Variants in HIPK2 observed in about 807,000 individuals in gnomAD.
HIPK2 encodes the protein homeodomain-interacting protein kinase 2.
In HIPK2, 27 loss-of-function variants were observed where a neutral mutation model predicts 113.7. The observed-to-expected ratio is 0.24, with a 90% confidence interval of 0.17 to 0.33. HIPK2 has a LOEUF of 0.33. Among genes scored for constraint, HIPK2 ranks in the 10% least tolerant of loss-of-function variants. The probability of loss-of-function intolerance (pLI) is 1.00; values close to 1 mark genes in which losing one functional copy is unlikely to be tolerated. For missense variants in HIPK2, 1,257 were observed against 1,588.0 expected, an observed-to-expected ratio of 0.79 and a Z score of 3.54; for synonymous variants, 631 against 642.2, an observed-to-expected ratio of 0.98 and a Z score of 0.26.
rs1310923864 is a variant in HIPK2, at chr7:139,583,978, G to C, written c.2804C>G (p.Pro935Arg). 1 of 1,614,030 alleles carries C rather than the reference G, an allele frequency of 6.2e-7. No individual in the cohort carries two copies. Among genetic ancestry groups the C allele is most frequent in the Non-Finnish European group, 8.5e-7 (1 of 1,179,880 alleles). The change falls in exon 13 of 15, where the codon CCC becomes CGC. Residue 935 changes from proline to arginine, a missense_variant. Transcript: ENST00000406875. ...CCCAGCACGCTGCTGCACGGAGTAG[G>C]GGCTGGTGTTGCTGGAGGAGTCGGA... The part of the protein sequence containing the change: ...PYSDSSSNTS[P>R]YSVQQRAGHN...
rs1800565262 is a variant in HIPK2 at position 139,630,342 on chromosome 7, A to AC, written c.1347+822dup. On this transcript the variant is annotated intron_variant, in intron 4 of 14. Transcript: ENST00000406875. This position sits in a 1 kb window ranked among gnomAD's most constrained non-coding sequence, Gnocchi z 4.0. The stretch of plus-strand genomic sequence containing the variant: ...CCTTTGCCTGGAACCCCTCTCCCTA[A>AC]CCCCCATCACCCCAGCCGCCACCCC... Among the ~76,000 whole-genome samples the AC allele has an allele frequency of 6.6e-6, 1 of 150,518 alleles. No homozygotes were observed. The highest frequency in any genetic ancestry group is 1.5e-5 in the Non-Finnish European group (1 of 67,620).
intron 2 of HIPK2, among the ~76,000 whole-genome samples, chr7:139,681,555 A>G (rs1349748154): frequency 6.6e-6 from 1 of 152,132 alleles, no homozygotes; most frequent in Non-Finnish European, 1.5e-5. Flanking sequence ...TGTGGGTGTC[A>G]AGAGGTGACC....
At chr7:139,628,382 T>C (rs1400655556) in intron 5 of HIPK2, among the ~76,000 whole-genome samples, 2 of 152,204 alleles carry the variant, frequency 1.3e-5, no homozygotes. Context: ...CTTCTCATGA[T>C]AACATCAGGC....
intron 13 of HIPK2, among the ~76,000 whole-genome samples, chr7:139,577,650 T>C (rs1798536464): frequency 6.6e-6 from 1 of 152,162 alleles, no homozygotes; most frequent in Non-Finnish European, 1.5e-5. Context: ...ACAACAAGCA[T>C]TGCTTCTGTT....
intron 1 of HIPK2, among the ~76,000 whole-genome samples, chr7:139,730,597 G>A (rs1390279665): frequency 6.6e-6 from 1 of 152,164 alleles, no homozygotes; most frequent in Non-Finnish European, 1.5e-5. Context: ...CTGACCTCTG[G>A]TGATCCACCT....
intron 1 of HIPK2, among the ~76,000 whole-genome samples, chr7:139,739,419 T>G (rs1363675693): frequency 6.6e-6 from 1 of 151,988 alleles, no homozygotes; most frequent in African/African-American, 2.4e-5. Flanking sequence ...AAACCTCATC[T>G]CTACTAAAAA....
rs902664408 is a variant in HIPK2, at chr7:139,714,093, G to A, written c.1103+1839C>T. On this transcript the variant is annotated intron_variant, in intron 2 of 14. Coordinates refer to ENST00000406875, the MANE Select transcript of HIPK2 (RefSeq NM_022740.5). This position sits in a 1 kb window ranked among gnomAD's most constrained non-coding sequence, Gnocchi z 4.2. ...GTCAGGACGAGGGAGTGGAGAGCAA[G>A]TGGAGGGGCAGCAGTAGACCCGTCT... 1.3e-5 allele frequency among the ~76,000 whole-genome samples: 2 copies of A among 152,228 alleles called. No individual in the cohort carries two copies. Among genetic ancestry groups the A allele is most frequent in the African/African-American group, 4.8e-5 (2 of 41,452 alleles).
chr7:139,723,698 T>C (rs1456241990), intron 1 of HIPK2, among the ~76,000 whole-genome samples: 1 of 152,194 alleles, frequency 6.6e-6, no homozygotes, highest in African/African-American at 2.4e-5. Context: ...ACTACAAGGA[T>C]GAGTGAGGGT....
intron 2 of HIPK2, among the ~76,000 whole-genome samples, chr7:139,708,644 T>G (rs1794978011): frequency 6.6e-6 from 1 of 152,250 alleles, no homozygotes; most frequent in African/African-American, 2.4e-5. Flanking sequence ...GCGTGAACAC[T>G]GCGTCTGCAC....
intron 1 of HIPK2, among the ~76,000 whole-genome samples, chr7:139,773,318 T>C (rs1436517657): frequency 1.3e-5 from 2 of 152,228 alleles, no homozygotes; most frequent in African/African-American, 4.8e-5. Context: ...GGTTTTTCTT[T>C]TCTTTTTTCC....
At chr7:139,776,056 T>G (rs906801913) in intron 1 of HIPK2, among the ~76,000 whole-genome samples, 8 of 152,302 alleles carry the variant, frequency 5.3e-5, no homozygotes, top group African/African-American at 1.9e-4. Context: ...GAGCATTGAC[T>G]GTAGCCCCCT....
intron 2 of HIPK2, among the ~76,000 whole-genome samples, chr7:139,635,524 G>T (rs1204943669): frequency 6.6e-6 from 1 of 152,172 alleles, no homozygotes; most frequent in Non-Finnish European, 1.5e-5. Context: ...CATAGATTTT[G>T]ACGACTGACG....
chr7:139,618,950 T>C (rs1800147953), intron 7 of HIPK2, among the ~76,000 whole-genome samples: 1 of 152,196 alleles, frequency 6.6e-6, no homozygotes. Flanking sequence ...GTCAAGAAGC[T>C]CACAGGTCTG....
At chr7:139,606,930 A>C (rs1380882437) in intron 9 of HIPK2, among the ~76,000 whole-genome samples, 1 of 152,254 alleles carries the variant, frequency 6.6e-6, no homozygotes, top group East Asian at 1.9e-4. Flanking sequence ...AACAAAAGAA[A>C]GAGGAAACAA....
intron 1 of HIPK2, among the ~76,000 whole-genome samples, chr7:139,723,156 A>T (rs2116986807): frequency 6.6e-6 from 1 of 151,662 alleles, no homozygotes; most frequent in Non-Finnish European, 1.5e-5. Flanking sequence ...TGATTTCTTG[A>T]AGTCTTAACT....
intron 1 of HIPK2, among the ~76,000 whole-genome samples, chr7:139,753,462 CGAG>C (rs1796312911): frequency 6.6e-6 from 1 of 151,948 alleles, no homozygotes; most frequent in South Asian, 2.1e-4. Context: ...TGGGAGTGGA[CGAG>C]GAGAAGGGGG....
intron 1 of HIPK2, among the ~76,000 whole-genome samples, chr7:139,751,726 T>C (rs1323276331): frequency 6.6e-6 from 1 of 152,082 alleles, no homozygotes; most frequent in Non-Finnish European, 1.5e-5. Flanking sequence ...GAGTAAATAA[T>C]TAATGACTAA....
intron 2 of HIPK2, 58 bp downstream of exon 2, chr7:139,715,874 T>G (rs886200773): frequency 1.3e-4 from 199 of 1,566,844 alleles, no homozygotes; most frequent in Non-Finnish European, 1.7e-4. Context: ...AGGTGGCACA[T>G]TCTCTGTGAG....
intron 2 of HIPK2, among the ~76,000 whole-genome samples, chr7:139,647,214 C>T (rs1291069132): frequency 2.6e-5 from 4 of 151,606 alleles, no homozygotes; most frequent in African/African-American, 4.9e-5. Flanking sequence ...GATCTCTGTA[C>T]ACCTCACAGC....
Sources: gnomAD v4.1 joint callset for allele counts (sites outside exome capture counted in the v4.1 genomes callset) on GRCh38, gnomAD v4.1.1 for gene constraint, Gnocchi (gnomAD v3.1) non-coding constraint, MANE v1.5 for transcripts, NCBI Gene and HGNC (gene_info 2026-07-23, HGNC 2026-07-21) for gene names.